The following PCDHA4 variants were observed in gnomAD, a reference collection of about 807,000 sequenced individuals.
The protein encoded by PCDHA4 is protocadherin alpha 4, also known as protocadherin alpha-4.
Under a neutral mutation model 61.4 loss-of-function variants are expected in PCDHA4, and 49 were observed. The ratio of observed to expected loss-of-function variants is 0.80; its 90% CI spans 0.63 to 1.01. PCDHA4 has a LOEUF of 1.01. Ranked by LOEUF, PCDHA4 falls within the 50% of genes least tolerant of loss-of-function variation. The probability of loss-of-function intolerance (pLI) is 0.00; values close to 1 mark genes in which losing one functional copy is unlikely to be tolerated. For synonymous variants in PCDHA4, 590 were observed against 550.3 expected (o/e 1.07, Z -1.01); for missense variants, 1,254 against 1,235.8 (o/e 1.01, Z -0.22).
intron 1 of PCDHA4, among the ~76,000 whole-genome samples, chr5:140,918,373 C>A (rs1459758959): frequency 6.6e-6 from 1 of 152,056 alleles, no homozygotes; most frequent in Non-Finnish European, 1.5e-5. Context: ...TATTTGGATG[C>A]CTTTTATTTC....
chr5:140,828,159 C>G lies in PCDHA4; in HGVS notation c.2385+18587C>G, dbSNP rs2150151568. On this transcript the variant is annotated intron_variant, in intron 1 of 3. Transcript: ENST00000530339. Reference sequence around the variant, plus strand: ...CTCCTCCCGCTTCTGCTCCTCGCAGCCTGGAAGGTGGGGAGCGGCCAGCTC... The same window carrying G: ...CTCCTCCCGCTTCTGCTCCTCGCAGGCTGGAAGGTGGGGAGCGGCCAGCTC... 4 of 1,614,180 alleles carry G rather than the reference C, an allele frequency of 2.5e-6. No individual in the cohort carries two copies.
intron 1 of PCDHA4, chr5:140,848,382 A>G (rs1781481675): frequency 8.4e-7 from 1 of 1,188,868 alleles, no homozygotes; most frequent in Non-Finnish European, 1.2e-6. Context: ...ATTCTTTTTC[A>G]CTCTCTCTGT....
At chr5:140,987,318 A>C (rs148008812) in intron 3 of PCDHA4, among the ~76,000 whole-genome samples, 3,398 of 152,304 alleles carry the variant, frequency 0.022, 70 homozygotes, top group Admixed American at 0.058. Flanking sequence ...TGTACTGTGA[A>C]GTTTTAAGAA....
rs539970308 is a variant in PCDHA4 at position 140,890,959 on chromosome 5, G to GGTTTT, written c.2385+81393_2385+81397dup. 2.6e-4 allele frequency among the ~76,000 whole-genome samples: 40 copies of GGTTTT among 152,148 alleles called. 1 individual carries two copies. In the South Asian group the frequency reaches 8.1e-3, roughly 31 times the overall value. On this transcript the variant is annotated intron_variant, in intron 1 of 3. Transcript: ENST00000530339. ...AAGATGCTGGTGAGGAATGATTTCAGGTTTTGTTTTTCTGAAAATGTCTTT... is the reference window on the plus strand; with the variant it reads ...AAGATGCTGGTGAGGAATGATTTCAGGTTTTGTTTTGTTTTTCTGAAAATGTCTTT...
At chr5:140,828,077 C>G (rs2150150614) in intron 1 of PCDHA4, 2 of 1,577,254 alleles carry the variant, frequency 1.3e-6, no homozygotes, top group South Asian at 1.2e-5. Context: ...GGAAATAAAA[C>G]CAGAGGTATT....
At chr5:140,869,703 G>A in intron 1 of PCDHA4, 1 of 1,613,428 alleles carries the variant, frequency 6.2e-7, no homozygotes, top group Non-Finnish European at 8.5e-7. Context: ...AGAAGTCTCT[G>A]GATAGAGAGA....
intron 3 of PCDHA4, among the ~76,000 whole-genome samples, chr5:140,985,013 C>T (rs1022576947): frequency 8.6e-5 from 13 of 152,046 alleles, no homozygotes; most frequent in Non-Finnish European, 1.3e-4. Context: ...TATCGGCTCA[C>T]AGCAACCTCT....
chr5:140,998,679 C>G (rs969303770), intron 3 of PCDHA4, among the ~76,000 whole-genome samples: 1 of 152,136 alleles, frequency 6.6e-6, no homozygotes, highest in Non-Finnish European at 1.5e-5. Flanking sequence ...ATTCTCCTGC[C>G]TCAGCCTCCC....
chr5:140,861,090 T>C (rs1449145259), intron 1 of PCDHA4: 1 of 152,308 alleles, frequency 6.6e-6, no homozygotes, highest in African/African-American at 2.4e-5. Flanking sequence ...GAAGCTCCAT[T>C]GTTCCTGTAC....
chr5:140,961,338 G>C (rs1554225370), intron 1 of PCDHA4, among the ~76,000 whole-genome samples: 1 of 152,170 alleles, frequency 6.6e-6, no homozygotes, highest in Non-Finnish European at 1.5e-5. Flanking sequence ...GAGACCAAGA[G>C]TGGATCCCTG....
In PCDHA4 at chr5:141,009,796, T is replaced by C; in HGVS notation, c.2703T>C (p.Thr901=). The C allele has an allele frequency of 6.2e-7, 1 of 1,614,046 alleles. No individual in the cohort carries two copies. The highest frequency in any genetic ancestry group is 8.5e-7 in the Non-Finnish European group (1 of 1,180,016). Residue 901 remains threonine (T), a synonymous_variant, in exon 4 of 4, where the codon ACT becomes ACC. Coordinates refer to ENST00000530339, the MANE Select transcript of PCDHA4 (RefSeq NM_018907.4). ...PAIISIRQEP[T]NSQIDKSDFI... ...TCATCTCCATCCGGCAGGAGCCTACTAACAGCCAAATTGACAAAAGTGACT... is the reference window on the plus strand; with the variant it reads ...TCATCTCCATCCGGCAGGAGCCTACCAACAGCCAAATTGACAAAAGTGACT...
At chr5:140,883,890 G>T (rs2153398485) in intron 1 of PCDHA4, 1 of 1,613,462 alleles carries the variant, frequency 6.2e-7, no homozygotes, top group Non-Finnish European at 8.5e-7. Context: ...CGCGACTCTG[G>T]CGTGCCGCCT....
chr5:140,997,668 TTG>T (rs35184029), intron 3 of PCDHA4, among the ~76,000 whole-genome samples: 38,693 of 147,760 alleles, frequency 0.26, 5,114 homozygotes, highest in Middle Eastern at 0.39. Flanking sequence ...ATTATACAGC[TTG>T]TGTGTGTGTG....
chr5:140,882,720 G>T, intron 1 of PCDHA4: 2 of 1,614,198 alleles, frequency 1.2e-6, no homozygotes, highest in Non-Finnish European at 1.7e-6. Context: ...CCGGAAACTC[G>T]ATTTCCACTA....
At chr5:140,951,326 T>C (rs2094571744) in intron 1 of PCDHA4, among the ~76,000 whole-genome samples, 1 of 152,158 alleles carries the variant, frequency 6.6e-6, no homozygotes, top group Admixed American at 6.5e-5. Context: ...TTGAGATTCA[T>C]CATTCTGTTT....
intron 1 of PCDHA4, chr5:140,870,884 G>A (rs376620715): frequency 6.5e-5 from 105 of 1,613,948 alleles, no homozygotes; most frequent in Admixed American, 3.3e-4. Context: ...GCGAAGGTGC[G>A]CGCAGTGGAT....
At chr5:140,983,807 G>GT (rs1418454252) in intron 3 of PCDHA4, among the ~76,000 whole-genome samples, 1 of 152,100 alleles carries the variant, frequency 6.6e-6, no homozygotes, top group East Asian at 1.9e-4. Flanking sequence ...TGTGTAAAAG[G>GT]TTTTTTCCCA....
At chr5:140,897,419 A>G (rs1329501260) in intron 1 of PCDHA4, among the ~76,000 whole-genome samples, 2 of 141,212 alleles carry the variant, frequency 1.4e-5, no homozygotes, top group East Asian at 4.3e-4. Flanking sequence ...ATTCCCATCT[A>G]TGAGTGAGAA....
At chr5:140,987,451 T>G (rs1481665271) in intron 3 of PCDHA4, among the ~76,000 whole-genome samples, 2 of 152,108 alleles carry the variant, frequency 1.3e-5, no homozygotes, top group African/African-American at 4.8e-5. Flanking sequence ...GCCCGAGAGA[T>G]AATTGTTAAG....
Sources: gnomAD v4.1 joint callset for allele counts (sites outside exome capture counted in the v4.1 genomes callset) on GRCh38, gnomAD v4.1.1 for gene constraint, MANE v1.5 for transcripts, NCBI Gene and HGNC (gene_info 2026-07-23, HGNC 2026-07-21) for gene names.